Variants in IDO2 observed in about 807,000 individuals in gnomAD.
IDO2 encodes indoleamine 2,3-dioxygenase 2.
IDO2 carries 46 observed loss-of-function variants against 45.1 expected under a neutral mutation model. That is an observed-to-expected ratio of 1.02 (90% confidence interval 0.80 to 1.30). The LOEUF is 1.30. Among genes scored for constraint, IDO2 ranks in the 50% most tolerant of loss-of-function variants. The probability of loss-of-function intolerance (pLI) is 0.00; values close to 1 mark genes in which losing one functional copy is unlikely to be tolerated. For missense variants in IDO2, 544 were observed against 491.8 expected, an observed-to-expected ratio of 1.11 and a Z score of -1.00; for synonymous variants, 218 against 184.9, an observed-to-expected ratio of 1.18 and a Z score of -1.45.
chr8:39,963,294 C>G (rs1808026847), intron 2 of IDO2, among the ~76,000 whole-genome samples: 1 of 152,352 alleles, frequency 6.6e-6, no homozygotes, highest in East Asian at 1.9e-4. Context: ...TTCCTCACAA[C>G]AGCTGACAGA....
rs151088117 is a variant in IDO2, at chr8:39,989,793, A to T, written c.622A>T (p.Arg208Ter). The T allele has an allele frequency of 6.1e-4, 984 of 1,604,936 alleles. 8 individuals carry two copies. The African/African-American group carries it at 0.012, about 20-fold the overall frequency. Residue 208 changes from arginine to a stop codon, truncating the protein, a stop_gained, in exon 8 of 11, where the codon AGA becomes TGA. Transcript: ENST00000502986. LOFTEE classifies it high-confidence loss of function. ...CCTGCTCCAAGCCCTGCAGCGACTG[A>T]GACTGTCTATTCAGGACATCACCAA...
At chr8:39,996,657 C>T (rs1802050546) in intron 8 of IDO2, among the ~76,000 whole-genome samples, 1 of 152,036 alleles carries the variant, frequency 6.6e-6, no homozygotes, top group South Asian at 2.1e-4. Context: ...AACCCACAGA[C>T]CCTGTAGGGC....
chr8:39,978,998 C>T (rs1396616876), intron 3 of IDO2, 69 bp from the exon 4 acceptor site: 4 of 1,487,284 alleles, frequency 2.7e-6, no homozygotes, highest in Non-Finnish European at 2.7e-6. Context: ...CCCAGGTCCC[C>T]GGCCCCCGTT....
chr8:39,996,494 T>C (rs1000107247), intron 8 of IDO2, among the ~76,000 whole-genome samples: 1 of 152,168 alleles, frequency 6.6e-6, no homozygotes, highest in Non-Finnish European at 1.5e-5. Context: ...TTGCCTTGTA[T>C]CTAATAAATA....
chr8:39,969,274 A>G (rs1473037690), intron 3 of IDO2, among the ~76,000 whole-genome samples: 1 of 152,208 alleles, frequency 6.6e-6, no homozygotes, highest in Non-Finnish European at 1.5e-5. Flanking sequence ...GATAATTATA[A>G]CAATAGTTAA....
At chr8:40,000,657 A>G (rs1802121801) in intron 8 of IDO2, among the ~76,000 whole-genome samples, 1 of 77,866 alleles carries the variant, frequency 1.3e-5, no homozygotes, top group East Asian at 2.6e-4. Flanking sequence ...TTGTTTTGCT[A>G]TGAAAAGCAA....
In IDO2 at chr8:39,971,241, G is replaced by A. The variant is rs117475813; in HGVS notation, c.195+7538G>A. Among the ~76,000 whole-genome samples the A allele has an allele frequency of 4.9e-3, 743 of 152,198 alleles. 4 individuals are homozygous for A. The highest frequency in any genetic ancestry group is 8.6e-3 in the Admixed American group (131 of 15,280). On this transcript the variant is annotated intron_variant, in intron 3 of 10. Transcript: ENST00000502986. ...TCTACTCTGCCTGTGCTCTGTAAAC[G>A]GACAATAAGGCCTGGATGATGGCAT... is the stretch of plus-strand genomic sequence containing the variant.
intron 3 of IDO2, among the ~76,000 whole-genome samples, chr8:39,971,973 T>A (rs996765485): frequency 6.6e-6 from 1 of 152,142 alleles, no homozygotes; most frequent in Non-Finnish European, 1.5e-5. Context: ...CATGCCCACC[T>A]AATTTTTTGT....
chr8:39,963,253 C>T (rs934739885), intron 2 of IDO2, among the ~76,000 whole-genome samples: 4 of 152,234 alleles, frequency 2.6e-5, no homozygotes, highest in African/African-American at 9.6e-5. Flanking sequence ...TTGGGATCAA[C>T]TGTCATATTT....
intron 9 of IDO2, among the ~76,000 whole-genome samples, chr8:40,008,070 A>T (rs1351856126): frequency 7.6e-6 from 1 of 130,938 alleles, no homozygotes; most frequent in South Asian, 2.3e-4. Flanking sequence ...TTTTTGAGAC[A>T]GAGTCTTGCT....
In IDO2 at chr8:39,981,710, G is replaced by A. The variant is rs920658496; in HGVS notation, c.316-942G>A. Among the ~76,000 whole-genome samples, 20 of 152,098 alleles carry A rather than the reference G, an allele frequency of 1.3e-4. 1 individual carries two copies. The highest frequency in any genetic ancestry group is 2.6e-4 in the Non-Finnish European group (18 of 68,036). On this transcript the variant is annotated intron_variant, in intron 4 of 10. Coordinates refer to ENST00000502986, the Ensembl canonical transcript of IDO2. The stretch of plus-strand genomic sequence containing the variant: ...TAAAGCTCTTTAGTGTTTTCCACCC[G>A]AGAAAAAATTCAAGGGAAAAATGAA...
At chr8:39,981,251 G>A (rs1186032057) in intron 4 of IDO2, among the ~76,000 whole-genome samples, 4 of 151,746 alleles carry the variant, frequency 2.6e-5, no homozygotes, top group African/African-American at 7.3e-5. Flanking sequence ...TAGTAAAGAC[G>A]GCGTTTCACC....
exon 1 of IDO2, chr8:39,935,176 A>T: frequency 6.2e-7 from 1 of 1,613,114 alleles, no homozygotes; most frequent in Non-Finnish European, 8.5e-7. Context: ...TTGACACTTC[A>T]CCCACCAGGC....
intron 3 of IDO2, among the ~76,000 whole-genome samples, chr8:39,971,296 T>A (rs967158719): frequency 6.6e-6 from 1 of 152,188 alleles, no homozygotes; most frequent in Admixed American, 6.5e-5. Flanking sequence ...TACTGAATAC[T>A]TTAAGCTCAC....
chr8:39,946,422 C>T (rs902917411), intron 1 of IDO2, among the ~76,000 whole-genome samples: 1 of 152,108 alleles, frequency 6.6e-6, no homozygotes, highest in African/African-American at 2.4e-5. Flanking sequence ...ATCTGGCTAA[C>T]ATGGTAAACC....
At chr8:39,982,571 C>A in intron 4 of IDO2, 81 bp from the exon 5 acceptor site, 4 of 954,676 alleles carry the variant, frequency 4.2e-6, no homozygotes, top group South Asian at 1.6e-5. Context: ...ACAGGATTGC[C>A]GAAATAAAAG....
chr8:40,015,201 T>C, intron 10 of IDO2, 46 bp from the exon 11 acceptor site: 1 of 1,110,766 alleles, frequency 9.0e-7, no homozygotes, highest in Non-Finnish European at 1.3e-6. Context: ...AGCTCTGCTA[T>C]ATTTCCATGT....
intron 2 of IDO2, among the ~76,000 whole-genome samples, chr8:39,952,841 T>G (rs1197615349): frequency 1.3e-5 from 2 of 151,964 alleles, no homozygotes; most frequent in Non-Finnish European, 2.9e-5. Flanking sequence ...AAATCTCAGC[T>G]CACTGCAACC....
chr8:39,982,585 A>C, intron 4 of IDO2, 67 bp from the exon 5 acceptor site: 1 of 1,077,806 alleles, frequency 9.3e-7, no homozygotes, highest in Non-Finnish European at 1.4e-6. Context: ...ATAAAAGACA[A>C]CCATGGTTAT....
Sources: gnomAD v4.1 joint callset for allele counts (sites outside exome capture counted in the v4.1 genomes callset) on GRCh38, gnomAD v4.1.1 for gene constraint, MANE v1.5 for transcripts, NCBI Gene and HGNC (gene_info 2026-07-23, HGNC 2026-07-21) for gene names.